The following RAD54L variants were observed in gnomAD, a reference collection of about 807,000 sequenced individuals.
RAD54L encodes the protein RAD54 like.
Under a neutral mutation model 91.6 loss-of-function variants are expected in RAD54L, and 74 were observed. The observed-to-expected ratio is 0.81, with a 90% CI of 0.67 to 0.98. RAD54L has a LOEUF of 0.98. Ranked by LOEUF, RAD54L falls within the 50% of genes least tolerant of loss-of-function variation. The probability of loss-of-function intolerance (pLI) is 0.00; values close to 1 mark genes in which losing one functional copy is unlikely to be tolerated. For synonymous variants in RAD54L, 304 were observed against 349.7 expected (o/e 0.87, Z 1.46); for missense variants, 887 against 945.7 (o/e 0.94, Z 0.81).
intron 5 of RAD54L, 89 bp downstream of exon 5, chr1:46,260,188 T>G (rs1303566780): frequency 6.4e-7 from 1 of 1,563,936 alleles, no homozygotes; most frequent in Non-Finnish European, 8.8e-7. Flanking sequence ...GTGTGATTTC[T>G]TTTTAGGATT....
At chr1:46,273,523 T>C (rs1660497072) in intron 13 of RAD54L, 58 bp downstream of exon 13, 5 of 1,611,482 alleles carry the variant, frequency 3.1e-6, no homozygotes, top group Non-Finnish European at 4.2e-6. Flanking sequence ...GAGATTTTTT[T>C]TTGTGCTAGG....
chr1:46,271,983 A>G (rs779633813), intron 10 of RAD54L, among the ~76,000 whole-genome samples: 19 of 139,720 alleles, frequency 1.4e-4, no homozygotes, highest in Admixed American at 1.5e-4. Context: ...TGTTCCCACA[A>G]TTGAGACCCT....
chr1:46,252,975 G>C (rs1659841620), intron 3 of RAD54L, among the ~76,000 whole-genome samples: 1 of 152,190 alleles, frequency 6.6e-6, no homozygotes, highest in Non-Finnish European at 1.5e-5. Flanking sequence ...TGGAGGCTGA[G>C]GTGGGAGGAT....
rs531772499 is a variant in RAD54L at position 46,260,429 on chromosome 1, GTCT to G, written c.408-108_408-106del. 1,384 of 1,109,778 alleles carry G rather than the reference GTCT, an allele frequency of 1.2e-3. 2 individuals are homozygous for G. Among genetic ancestry groups the G allele is most frequent in the Non-Finnish European group, 1.4e-3 (1,006 of 724,726 alleles). 68.7% of individuals were successfully genotyped at this position (1,109,778 alleles called of 1,614,324 possible). On this transcript the variant is annotated intron_variant, in intron 5 of 17. Coordinates refer to ENST00000371975, the MANE Select transcript of RAD54L (RefSeq NM_003579.4). ...GTTTTACGATTTATCAGCCAAGAAG[GTCT>G]TCTTTTAGGCAGCTGCCTCTGTTGC...
In RAD54L at chr1:46,261,211, T is replaced by G. The variant is rs202197955; in HGVS notation, c.767-50T>G. On this transcript the variant is annotated intron_variant, in intron 7 of 17. Coordinates refer to ENST00000371975, the MANE Select transcript of RAD54L (RefSeq NM_003579.4). ...TGTCTAATTGTTTTTTTTGTTTTTT[T>G]TTTTTTCAAAAGATTCTGAATTGTT... 339 of 1,607,114 alleles carry G rather than the reference T, an allele frequency of 2.1e-4. 5 individuals are homozygous for G. The African/African-American group carries it at 4.1e-3, about 19-fold the overall frequency.
chr1:46,277,904 G>A lies in RAD54L; in HGVS notation c.1957G>A (p.Glu653Lys). ...TGTGGTGGATGAGGAGCAGGATGTA[G>A]AGCGCCACTTCTCTCTGGGCGAGTT... ...SCVVDEEQDV[E>K]RHFSLGELKE... The change falls in exon 17 of 18, where the codon GAG becomes AAG. Residue 653 changes from glutamate to lysine, a missense_variant. Glu to Lys is a moderately conservative substitution (Grantham distance 56, BLOSUM62 1). Transcript: ENST00000371975. 6.8e-6 allele frequency: 11 copies of A among 1,614,120 alleles called. No homozygotes were observed. The highest frequency in any genetic ancestry group is 9.3e-6 in the Non-Finnish European group (11 of 1,180,034).
chr1:46,261,227 C>G, intron 7 of RAD54L, 34 bp from the exon 8 acceptor site: 1 of 1,397,142 alleles, frequency 7.2e-7, no homozygotes, highest in Non-Finnish European at 9.9e-7. Context: ...TCAAAAGATT[C>G]TGAATTGTTC....
intron 14 of RAD54L, among the ~76,000 whole-genome samples, 189 bp from the exon 15 acceptor site, chr1:46,273,949 G>C (rs1016036552): frequency 6.6e-6 from 1 of 152,174 alleles, no homozygotes; most frequent in African/African-American, 2.4e-5. Flanking sequence ...TTAGGAAAGA[G>C]TCTTGGCCTC....
chr1:46,267,344 A>C, intron 8 of RAD54L, 115 bp from the exon 9 acceptor site: 1 of 1,408,136 alleles, frequency 7.1e-7, no homozygotes, highest in Non-Finnish European at 9.9e-7. Context: ...GATTACAGGC[A>C]TGAGCCACGG....
Position 46,273,716 on chromosome 1 carries a change from G to C in RAD54L, c.1579G>C (p.Asp527His). 1.9e-6 allele frequency: 3 copies of C among 1,612,360 alleles called. No individual in the cohort carries two copies. The highest frequency in any genetic ancestry group is 1.7e-6 in the Non-Finnish European group (2 of 1,179,240). Reference protein sequence around the residue: ...VLVSNYTQTLDLFEKLCRARR... With the variant: ...VLVSNYTQTLHLFEKLCRARR... ...GGTGTCGAATTACACCCAGACTTTG[G>C]ATCTCTTTGAGAAGCTGTGCCGTGC... Residue 527 changes from aspartate to histidine, a missense_variant, in exon 14 of 18, where the codon GAT (aspartate) becomes CAT (histidine). Coordinates refer to ENST00000371975, the MANE Select transcript of RAD54L (RefSeq NM_003579.4).
rs765416189 is a variant in RAD54L at position 46,260,890 on chromosome 1, C to G, written c.641C>G (p.Ala214Gly). Residue 214 changes from alanine (A) to glycine (G), a missense_variant, in exon 7 of 18, where the codon GCA becomes GGA. Physicochemically the swap from Ala to Gly is moderately conservative, Grantham distance 60. Coordinates refer to ENST00000371975, the MANE Select transcript of RAD54L (RefSeq NM_003579.4). Reference protein sequence around the residue: ...SPECKPEIDKAVVVSPSSLVK... With the variant: ...SPECKPEIDKGVVVSPSSLVK... ...GAGTGCAAGCCAGAAATTGACAAGG[C>G]AGTGGTGGTGTCGCCTTCCAGCCTG... 1 of 1,614,078 alleles carries G rather than the reference C, an allele frequency of 6.2e-7. No individual in the cohort carries two copies. The highest frequency in any genetic ancestry group is 1.7e-5 in the Admixed American group (1 of 60,006).
intron 7 of RAD54L, 33 bp from the exon 8 acceptor site, chr1:46,261,228 T>C (rs1214721843): frequency 6.2e-7 from 1 of 1,600,770 alleles, no homozygotes; most frequent in Non-Finnish European, 8.5e-7. Flanking sequence ...CAAAAGATTC[T>C]GAATTGTTCC....
rs1569616448 is a variant in RAD54L at position 46,274,339 on chromosome 1, G to A, written c.1689+123G>A. On this transcript the variant is annotated intron_variant, in intron 15 of 17. Transcript: ENST00000371975. Reference sequence around the variant, plus strand: ...TTTAATTCCCCTAGTGGATATAGTAGGATTTGTCTGGTTGGTGATGGCTGG... The same window carrying A: ...TTTAATTCCCCTAGTGGATATAGTAAGATTTGTCTGGTTGGTGATGGCTGG... The A allele has an allele frequency of 2.4e-6, 3 of 1,269,858 alleles. No homozygotes were observed. The East Asian group carries it at 7.1e-5, about 30-fold the overall frequency. 78.7% of individuals were successfully genotyped at this position (1,269,858 alleles called of 1,614,324 possible).
At position 46,248,210 on chromosome 1, in the gene RAD54L, C is replaced by CA; in HGVS notation, c.-195dup. 1.4e-6 allele frequency: 1 copy of CA among 712,718 alleles called. No homozygotes were observed. The highest frequency in any genetic ancestry group is 1.5e-5 in the South Asian group (1 of 64,564). The allele number at this position is 712,718 out of a possible 1,614,324, so 44.1% of individuals were successfully genotyped here. ...CTCGTCTCGGCTTATTGGGGACGGC[C>CA]ACTCTCACAGTTTGGTTCCAAACAC... On this transcript the variant is annotated 5_prime_UTR_variant, in exon 1 of 18. Coordinates refer to ENST00000371975, the MANE Select transcript of RAD54L (RefSeq NM_003579.4).
intron 9 of RAD54L, among the ~76,000 whole-genome samples, chr1:46,269,189 A>G (rs1255206899): frequency 1.3e-5 from 2 of 151,738 alleles, no homozygotes. Flanking sequence ...GTGTTGCTCT[A>G]TTTATGGACT....
Position 46,274,082 on chromosome 1 carries a change from T to A in RAD54L, c.1611-56T>A, listed in dbSNP as rs372613864. 9.2e-6 allele frequency: 14 copies of A among 1,523,180 alleles called. No individual in the cohort carries two copies. In the African/African-American group the frequency reaches 1.7e-4, roughly 18 times the overall value. The allele number at this position is 1,523,180 out of a possible 1,614,324, so 94.4% of individuals were successfully genotyped here. A position where few individuals can be genotyped will look rare whatever the true frequency, so the allele number is the denominator to read the frequency against. On this transcript the variant is annotated intron_variant, in intron 14 of 17. Coordinates refer to ENST00000371975, the MANE Select transcript of RAD54L (RefSeq NM_003579.4). ...TTTAAAAAAATTTTTATTTTTAATT[T>A]TTTTTCCCCCTAATCATTGAAGCTT...
Position 46,273,337 on chromosome 1 carries a change from T to G in RAD54L, c.1376-18T>G, listed in dbSNP as rs149031818. On this transcript the variant is annotated intron_variant, in intron 12 of 17. Transcript: ENST00000371975. ...TTCAGAAAGCAAAGTATCTGGGTTTTGTTTTGTTTTCTCCCAGATCCAGCT... is the reference window on the plus strand; with the variant it reads ...TTCAGAAAGCAAAGTATCTGGGTTTGGTTTTGTTTTCTCCCAGATCCAGCT... 6.3e-7 allele frequency: 1 copy of G among 1,578,612 alleles called. No individual in the cohort carries two copies. The highest frequency in any genetic ancestry group is 8.7e-7 in the Non-Finnish European group (1 of 1,147,674).
At chr1:46,262,840 C>G (rs1660168983) in intron 8 of RAD54L, among the ~76,000 whole-genome samples, 1 of 152,064 alleles carries the variant, frequency 6.6e-6, no homozygotes, top group African/African-American at 2.4e-5. Context: ...GTTTTCCTTT[C>G]ACAGGGAACA....
At chr1:46,256,751 G>A (rs1354134267) in intron 3 of RAD54L, among the ~76,000 whole-genome samples, 2 of 152,084 alleles carry the variant, frequency 1.3e-5, no homozygotes, top group East Asian at 3.8e-4. Flanking sequence ...TTAGTGTGAT[G>A]TTGTCATGTT....
Sources: gnomAD v4.1 joint callset for allele counts (sites outside exome capture counted in the v4.1 genomes callset) on GRCh38, gnomAD v4.1.1 for gene constraint, MANE v1.5 for transcripts, NCBI Gene and HGNC (gene_info 2026-07-23, HGNC 2026-07-21) for gene names.